The following ADAM9 variants were observed in gnomAD, a reference collection of about 807,000 sequenced individuals.
ADAM9 encodes the protein ADAM metallopeptidase domain 9.
A neutral mutation model predicts 108.1 loss-of-function variants in ADAM9; 54 were observed. That is an observed-to-expected ratio of 0.50 (90% CI 0.40 to 0.63). The LOEUF is 0.63. Ranked by LOEUF, ADAM9 falls within the 20% of genes least tolerant of loss-of-function variation. ADAM9 has a pLI of 0.00. For missense variants in ADAM9, 830 were observed against 997.7 expected, an observed-to-expected ratio of 0.83 and a Z score of 2.26; for synonymous variants, 316 against 336.0, an observed-to-expected ratio of 0.94 and a Z score of 0.65.
rs949834228 is a variant in ADAM9 at position 39,105,261 on chromosome 8, A to G, written c.*1561A>G. The G allele has an allele frequency of 9.5e-6, 4 of 420,340 alleles. No individual in the cohort carries two copies. The highest frequency in any genetic ancestry group is 3.0e-5 in the Admixed American group (1 of 33,286). The allele number at this position is 420,340 out of a possible 1,614,324, so 26.0% of individuals were successfully genotyped here. A position where few individuals can be genotyped will look rare whatever the true frequency, so the allele number is the denominator to read the frequency against. ...TATTAAAAATTGTGAGCAATCTCAA[A>G]TGAAGGTCCATCGTTTCATTTTAAA... On this transcript the variant is annotated 3_prime_UTR_variant, in exon 22 of 22. Transcript: ENST00000487273.
At chr8:39,069,040 A>G (rs766749458) in intron 14 of ADAM9, among the ~76,000 whole-genome samples, 7 of 152,164 alleles carry the variant, frequency 4.6e-5, no homozygotes, top group African/African-American at 1.7e-4. Context: ...CTTATTCTCT[A>G]TAGCCAGAGG....
chr8:39,099,001 C>T (rs1839598504), intron 20 of ADAM9, among the ~76,000 whole-genome samples: 1 of 151,984 alleles, frequency 6.6e-6, no homozygotes, highest in Non-Finnish European at 1.5e-5. Context: ...GAACTCTGGT[C>T]CCCAAACTCT....
At chr8:39,091,172 G>A in intron 19 of ADAM9, 87 bp from the exon 20 acceptor site, 1 of 1,257,276 alleles carries the variant, frequency 8.0e-7, no homozygotes, top group Admixed American at 1.7e-5. Flanking sequence ...TCATTATTCT[G>A]TATTTGGGAA....
intron 18 of ADAM9, among the ~76,000 whole-genome samples, chr8:39,084,563 T>TG (rs1470485802): frequency 6.6e-6 from 1 of 151,874 alleles, no homozygotes; most frequent in Non-Finnish European, 1.5e-5. Context: ...CAAGAGAACA[T>TG]ATTGTGTATG....
chr8:39,015,917 G>GCC (rs1216050976), intron 4 of ADAM9: 17 of 568,380 alleles, frequency 3.0e-5, no homozygotes, highest in African/African-American at 2.8e-4. Flanking sequence ...CTAAACATTT[G>GCC]TGTACTCATA....
chr8:39,038,530 T>C (rs1837355445), intron 11 of ADAM9, among the ~76,000 whole-genome samples: 1 of 152,176 alleles, frequency 6.6e-6, no homozygotes, highest in Non-Finnish European at 1.5e-5. Flanking sequence ...TCGCCTTTTT[T>C]CCCCATAGCA....
rs1350387150 is a variant in ADAM9, at chr8:39,103,753, T to TG, written c.*53_*54insG. 1.9e-6 allele frequency: 3 copies of TG among 1,548,036 alleles called. No individual in the cohort carries two copies. In the East Asian group the frequency reaches 6.7e-5, roughly 35 times the overall value. On this transcript the variant is annotated 3_prime_UTR_variant, in exon 22 of 22. Coordinates refer to ENST00000487273, the MANE Select transcript of ADAM9 (RefSeq NM_003816.3). Reference sequence around the variant, plus strand: ...CTTCAGGGAACTGAGCTAATACTTTTTTTTTTTCTTGATGTTTTCTTGAAA... The same window carrying TG: ...CTTCAGGGAACTGAGCTAATACTTTTGTTTTTTTCTTGATGTTTTCTTGAAA...
chr8:39,068,105 A>G (rs994914999), intron 14 of ADAM9, among the ~76,000 whole-genome samples: 19 of 152,174 alleles, frequency 1.2e-4, no homozygotes, highest in African/African-American at 4.6e-4. Flanking sequence ...CCTCTGTTTC[A>G]TATTACCTTT....
chr8:39,103,091 A>T (rs1311746276), intron 21 of ADAM9, among the ~76,000 whole-genome samples: 1 of 152,212 alleles, frequency 6.6e-6, no homozygotes, highest in African/African-American at 2.4e-5. Flanking sequence ...GTAGAGGTGT[A>T]CTAGAATTGG....
chr8:38,997,200 C>CCT, intron 1 of ADAM9, 40 bp downstream of exon 1: 1 of 1,573,884 alleles, frequency 6.4e-7, no homozygotes, highest in Non-Finnish European at 8.6e-7. Flanking sequence ...ACGGCTGCTT[C>CCT]CTAGGGACGG....
rs201770327 is a variant in ADAM9 at position 39,026,638 on chromosome 8, C to T, written c.997-39C>T. Reference sequence around the variant, plus strand: ...TCTGAGCAGCAAAACATTTTCTTTGCGTTCAGAAACCTAATTACTACCTTC... The same window carrying T: ...TCTGAGCAGCAAAACATTTTCTTTGTGTTCAGAAACCTAATTACTACCTTC... On this transcript the variant is annotated intron_variant, in intron 10 of 21. Transcript: ENST00000487273. 2,362 of 1,613,578 alleles carry T rather than the reference C, an allele frequency of 1.5e-3. 24 individuals are homozygous for T. Among genetic ancestry groups the T allele is most frequent in the South Asian group, 0.012 (1,100 of 91,046 alleles).
Position 39,013,989 on chromosome 8 carries a change from G to A in ADAM9, c.279G>A (p.Val93=). Reference sequence around the variant, plus strand: ...GAGACCTTTTGCCTGAAGATTTTGTGGTTTATACTTACAACAAGGAAGGGA... The same window carrying A: ...GAGACCTTTTGCCTGAAGATTTTGTAGTTTATACTTACAACAAGGAAGGGA... ...RNKDLLPEDF[V]VYTYNKEGTL... Residue 93 remains valine, a synonymous_variant, in exon 4 of 22, where the codon GTG becomes GTA. Transcript: ENST00000487273. 2 of 1,613,362 alleles carry A rather than the reference G, an allele frequency of 1.2e-6. No homozygotes were observed. The highest frequency in any genetic ancestry group is 8.5e-7 in the Non-Finnish European group (1 of 1,179,606).
chr8:39,048,029 T>C (rs1197978234), intron 12 of ADAM9, among the ~76,000 whole-genome samples: 2 of 152,212 alleles, frequency 1.3e-5, no homozygotes, highest in East Asian at 3.9e-4. Context: ...CTAGTGATTC[T>C]TGTGCCTCAG....
chr8:39,021,115 T>C (rs905553234), intron 7 of ADAM9, among the ~76,000 whole-genome samples: 9 of 152,214 alleles, frequency 5.9e-5, no homozygotes, highest in Non-Finnish European at 1.0e-4. Flanking sequence ...TCTTCAGTGC[T>C]CTTTCATTAT....
chr8:39,007,823 A>G, intron 1 of ADAM9, 63 bp from the exon 2 acceptor site: 2 of 1,115,144 alleles, frequency 1.8e-6, no homozygotes, highest in African/African-American at 1.5e-5. Context: ...ATTTTTCATT[A>G]TATTGTGTTC....
At chr8:39,053,448 A>C (rs931182479) in intron 12 of ADAM9, among the ~76,000 whole-genome samples, 1 of 152,172 alleles carries the variant, frequency 6.6e-6, no homozygotes, top group African/African-American at 2.4e-5. Flanking sequence ...TAGGTTTTAC[A>C]TTTAGTTCCA....
chr8:39,080,042 G>A (rs987622573), intron 16 of ADAM9, among the ~76,000 whole-genome samples: 1 of 152,026 alleles, frequency 6.6e-6, no homozygotes, highest in African/African-American at 2.4e-5. Flanking sequence ...TATTGCTGCT[G>A]TTAAATATTT....
At position 39,104,856 on chromosome 8, in the gene ADAM9, A is replaced by C; in HGVS notation, c.*1156A>C. 2.2e-6 allele frequency: 1 copy of C among 446,890 alleles called. No individual in the cohort carries two copies. Among genetic ancestry groups the C allele is most frequent in the South Asian group, 1.6e-5 (1 of 61,798 alleles). The allele number at this position is 446,890 out of a possible 1,614,324, so 27.7% of individuals were successfully genotyped here. A position where few individuals can be genotyped will look rare whatever the true frequency, so the allele number is the denominator to read the frequency against. On this transcript the variant is annotated 3_prime_UTR_variant, in exon 22 of 22. Coordinates refer to ENST00000487273, the MANE Select transcript of ADAM9 (RefSeq NM_003816.3). ...TATGGATCGTAAAATTTTAAGCACT[A>C]AAAATTTTTTCATAACCTTTCATAA...
intron 1 of ADAM9, among the ~76,000 whole-genome samples, chr8:38,997,514 T>TG (rs986389153): frequency 3.9e-5 from 6 of 152,154 alleles, no homozygotes; most frequent in Non-Finnish European, 8.8e-5. Flanking sequence ...GCCGGAGCCC[T>TG]GCAGGCTGGG....
Sources: allele counts gnomAD v4.1 joint callset (sites outside exome capture counted in the v4.1 genomes callset), GRCh38; gene constraint gnomAD v4.1.1; transcripts MANE v1.5; gene names NCBI Gene and HGNC (gene_info 2026-07-23, HGNC 2026-07-21).